Variants in SYNE2 observed in about 807,000 individuals in gnomAD.
SYNE2 encodes the protein spectrin repeat containing nuclear envelope protein 2, also known as nesprin-2.
In SYNE2, 431 loss-of-function variants were observed where a neutral mutation model predicts 856.3. That is an observed-to-expected ratio of 0.50 (90% CI 0.47 to 0.55). SYNE2 has a LOEUF of 0.55. SYNE2 is among the 20% of genes least tolerant of loss of function. The pLI is 0.00. For missense variants in SYNE2, 8,129 were observed against 8,023.2 expected, an observed-to-expected ratio of 1.01 and a Z score of -0.50; for synonymous variants, 2,923 against 2,872.3, an observed-to-expected ratio of 1.02 and a Z score of -0.56.
chr14:64,029,186 A>G (rs2097010137), intron 43 of SYNE2, among the ~76,000 whole-genome samples: 1 of 152,186 alleles, frequency 6.6e-6, no homozygotes, highest in South Asian at 2.1e-4. Flanking sequence ...GAGGGAGTAT[A>G]TTCTTTTAAT....
intron 1 of SYNE2, among the ~76,000 whole-genome samples, chr14:63,807,341 CAAAA>C (rs574264237): frequency 2.3e-5 from 2 of 86,646 alleles, no homozygotes. Flanking sequence ...GACCCTGTCT[CAAAA>C]AAAAAAAAAA....
In SYNE2 at chr14:64,132,241, ATTAAAAC is replaced by A. The variant is rs1197329113; in HGVS notation, c.14341-21_14341-15del. 1.2e-6 allele frequency: 2 copies of A among 1,611,792 alleles called. No homozygotes were observed. The highest frequency in any genetic ancestry group is 2.7e-5 in the African/African-American group (2 of 74,862). The stretch of plus-strand genomic sequence containing the variant: ...GAGTTTTCACAATTTCAAAGTAAAT[ATTAAAAC>A]TTTCTCCATCTCATAGGTTTTTTTC... On this transcript the variant is annotated splice_polypyrimidine_tract_variant and intron_variant, in intron 76 of 115. Coordinates refer to ENST00000555002, the MANE Select transcript of SYNE2 (RefSeq NM_182914.3).
At chr14:63,979,700 G>T (rs2096571241) in intron 14 of SYNE2, among the ~76,000 whole-genome samples, 1 of 152,208 alleles carries the variant, frequency 6.6e-6, no homozygotes, top group Admixed American at 6.5e-5. Flanking sequence ...ATTGCCTGAG[G>T]TCAGGAGTTC....
chr14:63,959,068 C>G (rs890532915), intron 8 of SYNE2, among the ~76,000 whole-genome samples: 1 of 152,064 alleles, frequency 6.6e-6, no homozygotes, highest in Non-Finnish European at 1.5e-5. Flanking sequence ...GTCTTAGGAT[C>G]AGTCATTTCT....
chr14:64,115,016 C>T (rs1039691486), intron 66 of SYNE2, among the ~76,000 whole-genome samples: 1 of 152,132 alleles, frequency 6.6e-6, no homozygotes, highest in Non-Finnish European at 1.5e-5. Context: ...TGCCATAGAG[C>T]GTCATACAGC....
intron 100 of SYNE2, chr14:64,207,875 C>T (rs1596230291): frequency 5.1e-6 from 2 of 390,648 alleles, no homozygotes; most frequent in East Asian, 1.4e-4. Flanking sequence ...TCTCATGTCA[C>T]TTGTCACACA....
At chr14:63,901,466 C>A (rs1340906277) in intron 1 of SYNE2, among the ~76,000 whole-genome samples, 1 of 151,864 alleles carries the variant, frequency 6.6e-6, no homozygotes. Flanking sequence ...TAAAAATCAC[C>A]CATAATCCCT....
chr14:64,145,507 CAA>C (rs58238268), intron 83 of SYNE2, among the ~76,000 whole-genome samples: 4,590 of 93,740 alleles, frequency 0.049, 178 homozygotes, highest in African/African-American at 0.14. Flanking sequence ...GACTCCGTCT[CAA>C]AAAAAAAAAA....
chr14:64,171,548 C>T (rs2098410732), intron 94 of SYNE2, among the ~76,000 whole-genome samples: 1 of 152,170 alleles, frequency 6.6e-6, no homozygotes, highest in Admixed American at 6.5e-5. Flanking sequence ...GACATTTAAC[C>T]TGGGACTGAA....
rs370674900 is a variant in SYNE2 at position 64,167,380 on chromosome 14, C to T, written c.16753C>T (p.Arg5585Cys). Reference protein sequence around the residue: ...WIRATATALERCSELQGIGLN... With the variant: ...WIRATATALECCSELQGIGLN... The stretch of plus-strand genomic sequence containing the variant: ...TCGGGCCACGGCCACGGCACTGGAG[C>T]GCTGCAGGTTAGAACATCCCTTCTC... Residue 5585 changes from arginine (R) to cysteine (C), a missense_variant, in exon 91 of 116, where the codon CGC (arginine) becomes TGC (cysteine). Transcript: ENST00000555002. The T allele has an allele frequency of 3.8e-5, 61 of 1,614,058 alleles. No homozygotes were observed. In the Admixed American group the frequency reaches 3.8e-4, roughly 10 times the overall value.
chr14:64,190,778 C>T, intron 99 of SYNE2: 2 of 658,376 alleles, frequency 3.0e-6, no homozygotes, highest in South Asian at 3.4e-5. Flanking sequence ...CAGCCCAGTC[C>T]TAAATCAAAG....
chr14:64,009,984 A>G lies in SYNE2; in HGVS notation c.4596A>G (p.Arg1532=), dbSNP rs369924390. The G allele has an allele frequency of 1.2e-6, 2 of 1,613,764 alleles. No homozygotes were observed. The highest frequency in any genetic ancestry group is 1.7e-6 in the Non-Finnish European group (2 of 1,179,886). ...LVTECLEQCG[R]VLELLKQYQN... ...TTCTTAGTCTTGAACAATGTGGGAGAGTTTTGGAGCTCTTAAAACAATATC... is the reference window on the plus strand; with the variant it reads ...TTCTTAGTCTTGAACAATGTGGGAGGGTTTTGGAGCTCTTAAAACAATATC... The change falls in exon 32 of 116, where the codon AGA becomes AGG. Residue 1532 remains arginine (R), a synonymous_variant. Transcript: ENST00000555002.
rs769376401 is a variant in SYNE2 at position 64,170,313 on chromosome 14, G to C, written c.17086G>C (p.Asp5696His). The C allele has an allele frequency of 1.1e-5, 17 of 1,614,178 alleles. No homozygotes were observed. The South Asian group carries it at 1.9e-4, about 18-fold the overall frequency. Residue 5696 changes from aspartate to histidine, a missense_variant, in exon 94 of 116, where the codon GAT becomes CAT. Physicochemically the swap from Asp to His is moderately conservative, Grantham distance 81. Transcript: ENST00000555002. ...TGTTCGGCAGAGGAAGGGTGACGTT[G>C]ATGGGCTGGTGAGGCAGTGGCAAGA... is the stretch of plus-strand genomic sequence containing the variant. The part of the protein sequence containing the change: ...QGVRQRKGDV[D>H]GLVRQWQDFT...
chr14:64,168,117 G>T (rs1025260046), intron 92 of SYNE2, among the ~76,000 whole-genome samples: 10 of 151,932 alleles, frequency 6.6e-5, no homozygotes, highest in Admixed American at 3.3e-4. Context: ...TTTTTTTGGT[G>T]GGGGGAGACA....
chr14:64,015,943 T>C (rs764118389), intron 32 of SYNE2, among the ~76,000 whole-genome samples: 19 of 152,144 alleles, frequency 1.2e-4, no homozygotes, highest in South Asian at 1.2e-3. Flanking sequence ...GACTGGTATT[T>C]AGAAGTATGT....
intron 6 of SYNE2, among the ~76,000 whole-genome samples, chr14:63,944,517 CTTTTTTT>C (rs1188374243): frequency 1.1e-5 from 1 of 90,132 alleles, no homozygotes; most frequent in Non-Finnish European, 2.2e-5. Context: ...TAAAGCCTTT[CTTTTTTT>C]TTTTTTTTTT....
chr14:63,781,812 A>G (rs991419401), intron 1 of SYNE2, among the ~76,000 whole-genome samples: 6 of 152,142 alleles, frequency 3.9e-5, no homozygotes, highest in Non-Finnish European at 8.8e-5. Context: ...CTTGCAAAAG[A>G]ATAAGGTAGT....
At chr14:63,886,957 A>G (rs2095000720) in intron 1 of SYNE2, among the ~76,000 whole-genome samples, 2 of 152,154 alleles carry the variant, frequency 1.3e-5, no homozygotes, top group African/African-American at 4.8e-5. Flanking sequence ...ACTGGCCATC[A>G]TTCTTTAATT....
chr14:64,059,480 G>A (rs1368085156), intron 49 of SYNE2, among the ~76,000 whole-genome samples: 1 of 152,204 alleles, frequency 6.6e-6, no homozygotes, highest in East Asian at 1.9e-4. Flanking sequence ...TCTGGATTAA[G>A]AGGCAGAGAC....
Sources: gnomAD v4.1 joint callset for allele counts (sites outside exome capture counted in the v4.1 genomes callset) on GRCh38, gnomAD v4.1.1 for gene constraint, MANE v1.5 for transcripts, NCBI Gene and HGNC (gene_info 2026-07-23, HGNC 2026-07-21) for gene names.